The following SNTG1 variants were observed in gnomAD, a reference collection of about 807,000 sequenced individuals.
The protein encoded by SNTG1 is syntrophin gamma 1, also known as gamma-1-syntrophin.
Under a neutral mutation model 74.7 loss-of-function variants are expected in SNTG1, and 39 were observed. The ratio of observed to expected loss-of-function variants is 0.52; its 90% confidence interval spans 0.40 to 0.68. The LOEUF (loss-of-function observed/expected upper bound fraction) is 0.68. SNTG1 is among the 30% of genes least tolerant of loss of function. The pLI is 0.00. For missense variants in SNTG1, 685 were observed against 609.5 expected, an observed-to-expected ratio of 1.12 and a Z score of -1.30; for synonymous variants, 254 against 217.1, an observed-to-expected ratio of 1.17 and a Z score of -1.49.
intron 5 of SNTG1, among the ~76,000 whole-genome samples, chr8:50,449,075 T>C (rs1229555800): frequency 1.3e-5 from 2 of 152,048 alleles, no homozygotes. Context: ...ATAATAAAAA[T>C]AGTACTACTT....
intron 1 of SNTG1, among the ~76,000 whole-genome samples, chr8:50,159,601 A>G (rs1185346361): frequency 6.6e-6 from 1 of 152,202 alleles, no homozygotes; most frequent in East Asian, 1.9e-4. Context: ...TCATGTTTAT[A>G]TAGAGAATAT....
In SNTG1 at chr8:50,672,884, C is replaced by T. The variant is rs1333549345; in HGVS notation, c.1038+14221C>T. ...TTGTTTAAGGTGTAAGGAAGTAGTC[C>T]AGTTTCACTTTTCTGCAAATGGCTC... On this transcript the variant is annotated intron_variant, in intron 15 of 18. Coordinates refer to ENST00000642720, the MANE Select transcript of SNTG1 (RefSeq NM_018967.5). Among the ~76,000 whole-genome samples, 8 of 152,208 alleles carry T rather than the reference C, an allele frequency of 5.3e-5. No individual in the cohort carries two copies. The East Asian group carries it at 1.5e-3, about 29-fold the overall frequency.
chr8:50,518,316 G>C (rs1001899939), intron 9 of SNTG1, among the ~76,000 whole-genome samples: 8 of 152,124 alleles, frequency 5.3e-5, no homozygotes, highest in African/African-American at 1.9e-4. Context: ...AGTGTTTAGA[G>C]GGAAATTTAT....
chr8:50,422,715 T>C (rs907037213), intron 4 of SNTG1, among the ~76,000 whole-genome samples: 8 of 152,076 alleles, frequency 5.3e-5, no homozygotes, highest in Admixed American at 1.3e-4. Flanking sequence ...AGCCAGGTGT[T>C]AGACATGCAG....
intron 2 of SNTG1, among the ~76,000 whole-genome samples, chr8:50,378,384 C>A (rs2131207097): frequency 6.6e-6 from 1 of 152,282 alleles, no homozygotes; most frequent in South Asian, 2.1e-4. Context: ...TACTGAAGGG[C>A]CACAGCTCTT....
At chr8:50,332,338 T>C (rs1263887782) in intron 2 of SNTG1, among the ~76,000 whole-genome samples, 1 of 152,164 alleles carries the variant, frequency 6.6e-6, no homozygotes, top group Non-Finnish European at 1.5e-5. Flanking sequence ...TGGGTCCTCA[T>C]TTCTTGAATG....
At chr8:50,041,550 G>T (rs538569610) in intron 1 of SNTG1, among the ~76,000 whole-genome samples, 4 of 152,084 alleles carry the variant, frequency 2.6e-5, no homozygotes, top group African/African-American at 9.7e-5. Context: ...TAGAACTTAC[G>T]ATTGTAAATA....
intron 2 of SNTG1, among the ~76,000 whole-genome samples, chr8:50,335,960 C>T (rs1005437394): frequency 1.3e-5 from 2 of 151,836 alleles, no homozygotes; most frequent in African/African-American, 4.8e-5. Flanking sequence ...CACAAAATTC[C>T]AGTGCCTTAA....
intron 17 of SNTG1, among the ~76,000 whole-genome samples, chr8:50,730,544 G>A (rs1185579329): frequency 1.3e-5 from 2 of 152,162 alleles, no homozygotes; most frequent in African/African-American, 4.8e-5. Flanking sequence ...AATGGAACAA[G>A]AGGATGTGTT....
At chr8:50,275,199 ATTAG>A (rs1319980988) in intron 2 of SNTG1, among the ~76,000 whole-genome samples, 2 of 152,174 alleles carry the variant, frequency 1.3e-5, no homozygotes, top group East Asian at 1.9e-4. Context: ...TTAAAAAATT[ATTAG>A]TTATTGATTT....
intron 17 of SNTG1, among the ~76,000 whole-genome samples, chr8:50,714,720 G>C (rs7833357): frequency 0.022 from 3,286 of 152,130 alleles, 101 homozygotes; most frequent in African/African-American, 0.071. Flanking sequence ...GTTCCAGGAG[G>C]TGGGTGTGGA....
At chr8:50,260,725 G>GT (rs1322304512) in intron 2 of SNTG1, among the ~76,000 whole-genome samples, 2 of 139,190 alleles carry the variant, frequency 1.4e-5, no homozygotes, top group Non-Finnish European at 3.1e-5. Flanking sequence ...GATAGGTAAT[G>GT]TAAGTAGAGA....
intron 13 of SNTG1, among the ~76,000 whole-genome samples, chr8:50,634,243 G>A (rs993745436): frequency 9.9e-5 from 15 of 152,212 alleles, no homozygotes; most frequent in Non-Finnish European, 1.3e-4. Flanking sequence ...TAGCTTAGCT[G>A]TTTGGTCTGC....
At chr8:50,325,361 TTTA>T (rs886427383) in intron 2 of SNTG1, among the ~76,000 whole-genome samples, 9 of 152,148 alleles carry the variant, frequency 5.9e-5, no homozygotes, top group Admixed American at 5.2e-4. Context: ...AAAACAATAC[TTTA>T]TTAATTTAGT....
intron 2 of SNTG1, among the ~76,000 whole-genome samples, chr8:50,360,156 A>T (rs1224252523): frequency 6.6e-6 from 1 of 152,074 alleles, no homozygotes; most frequent in Non-Finnish European, 1.5e-5. Context: ...ACTACAAATC[A>T]TTGTGTTCCT....
chr8:50,165,630 C>T (rs1157599342), intron 1 of SNTG1, among the ~76,000 whole-genome samples: 3 of 152,162 alleles, frequency 2.0e-5, no homozygotes, highest in Non-Finnish European at 4.4e-5. Context: ...TTGAAAATTG[C>T]TGCCACTATG....
intron 1 of SNTG1, among the ~76,000 whole-genome samples, chr8:49,999,310 A>T (rs144147426): frequency 1.2e-4 from 18 of 152,182 alleles, no homozygotes; most frequent in African/African-American, 4.1e-4. Flanking sequence ...CATCATTAAG[A>T]GTGTAGCAGC....
At chr8:49,963,513 T>C (rs1810878927) in intron 1 of SNTG1, among the ~76,000 whole-genome samples, 1 of 152,202 alleles carries the variant, frequency 6.6e-6, no homozygotes, top group African/African-American at 2.4e-5. Context: ...TTTCTTTTGG[T>C]ATGTAGTATG....
At chr8:49,938,605 TTC>T (rs1491174041) in intron 1 of SNTG1, among the ~76,000 whole-genome samples, 3 of 101,462 alleles carry the variant, frequency 3.0e-5, no homozygotes, top group African/African-American at 1.3e-4. Context: ...TTCTTTTCTT[TTC>T]TTTCTTTCTT....
Sources: allele counts gnomAD v4.1 joint callset (sites outside exome capture counted in the v4.1 genomes callset), GRCh38; gene constraint gnomAD v4.1.1; transcripts MANE v1.5; gene names NCBI Gene and HGNC (gene_info 2026-07-23, HGNC 2026-07-21).